The following PATL2 variants were observed in gnomAD, a reference collection of about 807,000 sequenced individuals.
PATL2 encodes the protein protein PAT1 homolog 2.
In PATL2, 73 loss-of-function variants were observed where a neutral mutation model predicts 77.0. The ratio of observed to expected loss-of-function variants is 0.95; its 90% CI spans 0.78 to 1.15. The LOEUF (loss-of-function observed/expected upper bound fraction) is 1.15. PATL2 is among the 50% of genes most tolerant of loss of function. The pLI is 0.00. For missense variants in PATL2, 618 were observed against 655.4 expected, an observed-to-expected ratio of 0.94 and a Z score of 0.62; for synonymous variants, 265 against 257.1, an observed-to-expected ratio of 1.03 and a Z score of -0.29.
chr15:44,670,457 G>T (rs1378578514), intron 9 of PATL2, among the ~76,000 whole-genome samples: 1 of 152,182 alleles, frequency 6.6e-6, no homozygotes, highest in East Asian at 1.9e-4. Context: ...GCCTCCCAAA[G>T]TGCTGGGATT....
chr15:44,676,945 A>G, intron 3 of PATL2: 1 of 1,009,720 alleles, frequency 9.9e-7, no homozygotes, highest in South Asian at 4.2e-5. Context: ...CCTGGCTTTA[A>G]AAGTCCCAGC....
intron 2 of PATL2, among the ~76,000 whole-genome samples, 155 bp downstream of exon 2, chr15:44,710,716 T>G (rs371844904): frequency 6.6e-6 from 1 of 152,186 alleles, no homozygotes; most frequent in East Asian, 1.9e-4. Context: ...GTACCTACTA[T>G]GTGCCAGCCC....
Position 44,670,062 on chromosome 15 carries a change from T to C in PATL2, c.683A>G (p.Lys228Arg). The change falls in exon 10 of 18, where the codon AAG becomes AGG. Residue 228 changes from lysine (K) to arginine (R), a missense_variant. Transcript: ENST00000682850. The part of the protein sequence containing the change: ...YQEYYQKLEK[K>R]QADEELLGRR... ...TCCAAGTAGCTCTTCGTCTGCCTGCTTCTTCTCTAGCTTCTGGTAATATTC... is the reference window on the plus strand; with the variant it reads ...TCCAAGTAGCTCTTCGTCTGCCTGCCTCTTCTCTAGCTTCTGGTAATATTC... 6 of 1,551,638 alleles carry C rather than the reference T, an allele frequency of 3.9e-6. No individual in the cohort carries two copies. The highest frequency in any genetic ancestry group is 5.2e-6 in the Non-Finnish European group (6 of 1,146,974).
chr15:44,707,045 T>C (rs562764964), intron 3 of PATL2, among the ~76,000 whole-genome samples: 1 of 152,186 alleles, frequency 6.6e-6, no homozygotes, highest in East Asian at 1.9e-4. Context: ...ACCCCAGGCC[T>C]GTGGTGGGTA....
chr15:44,668,516 C>T, intron 14 of PATL2, 34 bp from the exon 15 acceptor site: 2 of 1,543,950 alleles, frequency 1.3e-6, no homozygotes, highest in Admixed American at 4.0e-5. Flanking sequence ...TCCCAAATTC[C>T]ACTACAACTT....
intron 17 of PATL2, 35 bp downstream of exon 17, chr15:44,666,357 C>G (rs1555385256): frequency 6.4e-7 from 1 of 1,550,914 alleles, no homozygotes; most frequent in South Asian, 1.2e-5. Context: ...TGGGCTTGAA[C>G]AAGGGGCTTT....
intron 3 of PATL2, among the ~76,000 whole-genome samples, chr15:44,685,602 T>G (rs992440501): frequency 6.7e-6 from 1 of 150,266 alleles, no homozygotes; most frequent in African/African-American, 2.5e-5. Context: ...AGTGAGACTC[T>G]GTCTCAAAAA....
At chr15:44,705,370 C>T (rs143786228) in intron 3 of PATL2, among the ~76,000 whole-genome samples, 14 of 152,058 alleles carry the variant, frequency 9.2e-5, no homozygotes, top group African/African-American at 3.1e-4. Context: ...TTAGTTGAGA[C>T]GGGGTTTCAC....
At chr15:44,687,771 A>G (rs2086294111) in intron 3 of PATL2, among the ~76,000 whole-genome samples, 1 of 152,196 alleles carries the variant, frequency 6.6e-6, no homozygotes, top group Non-Finnish European at 1.5e-5. Flanking sequence ...ATAGACAGAG[A>G]GCAAAATCAC....
chr15:44,702,387 T>C (rs1595989184), intron 3 of PATL2, among the ~76,000 whole-genome samples: 1 of 149,984 alleles, frequency 6.7e-6, no homozygotes, highest in African/African-American at 2.4e-5. Flanking sequence ...CTTTTTTTCT[T>C]AGCGAGTCTG....
Position 44,711,314 on chromosome 15 carries a change from TAC to T in PATL2, c.-550_-549del. 1 of 622,846 alleles carries T rather than the reference TAC, an allele frequency of 1.6e-6. No homozygotes were observed. Among genetic ancestry groups the T allele is most frequent in the Non-Finnish European group, 2.9e-6 (1 of 347,078 alleles). 38.6% of individuals were successfully genotyped at this position (622,846 alleles called of 1,614,324 possible). ...CACCCCAGATCGGAGGGCGCCGATG[TAC>T]AGACAGCAAACTCACCCAGTCTAGT... On this transcript the variant is annotated 5_prime_UTR_variant, in exon 1 of 18. Coordinates refer to ENST00000682850, the MANE Select transcript of PATL2 (RefSeq NM_001387263.1).
At chr15:44,671,831 G>A (rs1301860227) in intron 9 of PATL2, among the ~76,000 whole-genome samples, 184 bp downstream of exon 9, 2 of 152,192 alleles carry the variant, frequency 1.3e-5, no homozygotes, top group African/African-American at 4.8e-5. Flanking sequence ...TGAAATGTAG[G>A]AAGATAGAGA....
intron 3 of PATL2, among the ~76,000 whole-genome samples, chr15:44,708,981 C>A (rs541279083): frequency 1.3e-5 from 2 of 152,300 alleles, no homozygotes; most frequent in Admixed American, 1.3e-4. Context: ...TCATTGCAAC[C>A]TCTGCCTCCC....
intron 6 of PATL2, among the ~76,000 whole-genome samples, chr15:44,673,739 T>C (rs2085810354): frequency 6.8e-4 from 2 of 2,940 alleles, no homozygotes; most frequent in Admixed American, 8.1e-3. Context: ...AAAGCCCTCC[T>C]CAGAGCTCTT....
chr15:44,680,099 C>T (rs2086100349), intron 3 of PATL2, among the ~76,000 whole-genome samples: 1 of 152,182 alleles, frequency 6.6e-6, no homozygotes, highest in South Asian at 2.1e-4. Flanking sequence ...AAAGGCTCCC[C>T]ACTCTTGCTA....
intron 3 of PATL2, 147 bp from the exon 4 acceptor site, chr15:44,676,712 G>A: frequency 1.7e-6 from 2 of 1,181,568 alleles, no homozygotes; most frequent in South Asian, 1.6e-5. Flanking sequence ...GTCTCAGACT[G>A]CCATAAACAC....
chr15:44,705,178 AT>A (rs1242820465), intron 3 of PATL2, among the ~76,000 whole-genome samples: 1 of 151,864 alleles, frequency 6.6e-6, no homozygotes, highest in East Asian at 1.9e-4. Context: ...TTTAAGGCCA[AT>A]AACTCTTTTT....
At chr15:44,667,531 C>T (rs1351590946) in intron 15 of PATL2, among the ~76,000 whole-genome samples, 1 of 152,198 alleles carries the variant, frequency 6.6e-6, no homozygotes, top group African/African-American at 2.4e-5. Flanking sequence ...TTAAGAGGCA[C>T]TTCTTTAAGC....
rs926242449 is a variant in PATL2, at chr15:44,666,531, CCAT to C, written c.1471_1473del (p.Met491del). On this transcript the variant is annotated inframe_deletion, in exon 17 of 18. Coordinates refer to ENST00000682850, the MANE Select transcript of PATL2 (RefSeq NM_001387263.1). ...GCTATCTCCCAGGCAATCAGAACCA[CCAT>C]GTCTGTCCTAGAGAGCATAAATATA... 1.3e-6 allele frequency: 2 copies of C among 1,549,768 alleles called. No individual in the cohort carries two copies. The highest frequency in any genetic ancestry group is 2.7e-5 in the African/African-American group (2 of 73,078).
Sources: allele counts gnomAD v4.1 joint callset (sites outside exome capture counted in the v4.1 genomes callset), GRCh38; gene constraint gnomAD v4.1.1; transcripts MANE v1.5; gene names NCBI Gene and HGNC (gene_info 2026-07-23, HGNC 2026-07-21).